Variants in PIGG observed in about 807,000 individuals in gnomAD.
PIGG encodes GPI ethanolamine phosphate transferase 2, catalytic subunit.
A neutral mutation model predicts 83.2 loss-of-function variants in PIGG; 70 were observed. The observed-to-expected ratio is 0.84, with a 90% confidence interval of 0.69 to 1.03. PIGG has a LOEUF of 1.03. Among genes scored for constraint, PIGG ranks in the 50% least tolerant of loss-of-function variants. The pLI is 0.00. For missense variants in PIGG, 1,257 were observed against 1,233.6 expected (o/e 1.02, Z -0.28); for synonymous variants, 532 against 519.5 (o/e 1.02, Z -0.33).
At chr4:510,651 CTTCAGTCCTG>C (rs1553882924) in intron 5 of PIGG, among the ~76,000 whole-genome samples, 1 of 152,226 alleles carries the variant, frequency 6.6e-6, no homozygotes, top group East Asian at 1.9e-4. Flanking sequence ...TCATCACCAG[CTTCAGTCCTG>C]AGAGTTGGTT....
intron 5 of PIGG, among the ~76,000 whole-genome samples, chr4:514,586 G>A (rs1447287179): frequency 6.6e-6 from 1 of 152,190 alleles, no homozygotes; most frequent in East Asian, 1.9e-4. Context: ...AGCTACCAGT[G>A]CTAGCTCTGA....
At position 523,845 on chromosome 4, in the gene PIGG, G is replaced by A. The variant is rs1726793264; in HGVS notation, c.2001G>A (p.Leu667=). The change falls in exon 9 of 13, where the codon CTG becomes CTA. Residue 667 remains leucine (L), a synonymous_variant. Coordinates refer to ENST00000453061, the MANE Select transcript of PIGG (RefSeq NM_001127178.3). ...GGCTAATACTGGCCTGCTGCCGGCT[G>A]CTGCGCTCCCTAAACCAGACAGGTG... The part of the protein sequence containing the change: ...SPWLILACCR[L]LRSLNQTGVQ... 6.2e-7 allele frequency: 1 copy of A among 1,600,234 alleles called. No homozygotes were observed. The highest frequency in any genetic ancestry group is 1.3e-5 in the African/African-American group (1 of 74,630).
In PIGG at chr4:534,085, A is replaced by T; in HGVS notation, c.2735+104A>T. 4 of 949,804 alleles carry T rather than the reference A, an allele frequency of 4.2e-6. No individual in the cohort carries two copies. The Admixed American group carries it at 9.7e-5, about 23-fold the overall frequency. 58.8% of individuals were successfully genotyped at this position (949,804 alleles called of 1,614,324 possible). A position where few individuals can be genotyped will look rare whatever the true frequency, so the allele number is the denominator to read the frequency against. On this transcript the variant is annotated intron_variant, in intron 12 of 12. Transcript: ENST00000453061. ...AAGGGGGTCTAAGCTCCATGGGTCC[A>T]ACAGTCTTTTCAACAGTTTTCTTTT...
chr4:500,319 G>A, intron 1 of PIGG, 77 bp from the exon 2 acceptor site: 1 of 1,033,776 alleles, frequency 9.7e-7, no homozygotes. Context: ...GAAGTAGGTA[G>A]AAGCTAGATT....
intron 2 of PIGG, among the ~76,000 whole-genome samples, chr4:504,310 C>A (rs890343612): frequency 2.2e-4 from 34 of 152,146 alleles, no homozygotes; most frequent in African/African-American, 6.8e-4. Context: ...TTCAGCACCC[C>A]TGATGTGTTT....
Position 499,382 on chromosome 4 carries a change from A to C in PIGG, c.47A>C (p.Glu16Ala), listed in dbSNP as rs781863201. Residue 16 changes from glutamate (E) to alanine (A), a missense_variant, in exon 1 of 13, where the codon GAG (glutamate) becomes GCG (alanine). Coordinates refer to ENST00000453061, the MANE Select transcript of PIGG (RefSeq NM_001127178.3). Reference sequence around the variant, plus strand: ...TTCGCTACCTGTTGCGTAGCGATCGAGGTGCTAGGGATCGCGGTCTTCCTT... The same window carrying C: ...TTCGCTACCTGTTGCGTAGCGATCGCGGTGCTAGGGATCGCGGTCTTCCTT... The part of the protein sequence containing the change: ...GTFATCCVAI[E>A]VLGIAVFLRG... 1.9e-6 allele frequency: 3 copies of C among 1,610,194 alleles called. No individual in the cohort carries two copies. The Admixed American group carries it at 5.0e-5, about 27-fold the overall frequency.
rs558012114 is a variant in PIGG at position 503,893 on chromosome 4, A to T, written c.361-1825A>T. Among the ~76,000 whole-genome samples, 16 of 150,364 alleles carry T rather than the reference A, an allele frequency of 1.1e-4. No homozygotes were observed. The East Asian group carries it at 3.1e-3, about 29-fold the overall frequency. On this transcript the variant is annotated intron_variant, in intron 2 of 12. Transcript: ENST00000453061. ...ACACACACACACACACACAGAAAAG[A>T]GTCCAAAAGGATACTCACCAAGAGT...
At chr4:516,253 T>C (rs531048362) in intron 6 of PIGG, 68 bp downstream of exon 6, 1,027 of 1,021,322 alleles carry the variant, frequency 1.0e-3, no homozygotes, top group Non-Finnish European at 1.4e-3. Flanking sequence ...GTTTCTCCGA[T>C]GTGTTTCTGT....
chr4:522,932 G>A (rs971880300), intron 8 of PIGG: 6 of 154,006 alleles, frequency 3.9e-5, no homozygotes, highest in South Asian at 2.0e-4. Flanking sequence ...AACCATTTTA[G>A]TGGAAACGTT....
chr4:520,196 T>G (rs927226303), intron 6 of PIGG, among the ~76,000 whole-genome samples: 3 of 152,266 alleles, frequency 2.0e-5, no homozygotes, highest in Non-Finnish European at 2.9e-5. Context: ...GCTGAGACCC[T>G]TCTTGGCATG....
At position 523,490 on chromosome 4, in the gene PIGG, A is replaced by G; in HGVS notation, c.1646A>G (p.Glu549Gly). 6.2e-7 allele frequency: 1 copy of G among 1,613,826 alleles called. No individual in the cohort carries two copies. Among genetic ancestry groups the G allele is most frequent in the Non-Finnish European group, 8.5e-7 (1 of 1,179,854 alleles). Reference protein sequence around the residue: ...NPMHPSSRWSELDLLILLGTA... With the variant: ...NPMHPSSRWSGLDLLILLGTA... Reference sequence around the variant, plus strand: ...ATGCATCCCAGCTCAAGGTGGTCAGAGCTAGACCTTCTTATTCTGTTGGGG... The same window carrying G: ...ATGCATCCCAGCTCAAGGTGGTCAGGGCTAGACCTTCTTATTCTGTTGGGG... The change falls in exon 9 of 13, where the codon GAG (glutamate) becomes GGG (glycine). Residue 549 changes from glutamate (E) to glycine (G), a missense_variant. Glu to Gly is a moderately conservative substitution (Grantham distance 98, BLOSUM62 -2). Coordinates refer to ENST00000453061, the MANE Select transcript of PIGG (RefSeq NM_001127178.3).
Position 533,880 on chromosome 4 carries a change from C to A in PIGG, c.2634C>A (p.Tyr878Ter), listed in dbSNP as rs1176830505. The change falls in exon 12 of 13, where the codon TAC (tyrosine) becomes TAA (stop). Residue 878 changes from tyrosine (Y) to a stop codon, truncating the protein, a stop_gained. Transcript: ENST00000453061. LOFTEE classifies it high-confidence loss of function. ...ISAGFVGLDTYVEIPAVLLTA... is the reference protein window; with the variant it reads ...ISAGFVGLDT ...CAGGCTTCGTGGGCTTAGACACCTA[C>A]GTGGAAATCCCAGCCGTGCTCCTGA... The A allele has an allele frequency of 6.2e-7, 1 of 1,614,160 alleles. No homozygotes were observed. Among genetic ancestry groups the A allele is most frequent in the Non-Finnish European group, 8.5e-7 (1 of 1,179,972 alleles).
chr4:528,345 T>C lies in PIGG; in HGVS notation c.2261+1115T>C, dbSNP rs551381477. 1.0e-6 allele frequency: 1 copy of C among 985,280 alleles called. No homozygotes were observed. The highest frequency in any genetic ancestry group is 1.7e-5 in the African/African-American group (1 of 57,354). 61.0% of individuals were successfully genotyped at this position (985,280 alleles called of 1,614,324 possible). On this transcript the variant is annotated intron_variant, in intron 10 of 12. Coordinates refer to ENST00000453061, the MANE Select transcript of PIGG (RefSeq NM_001127178.3). The surrounding 1 kb of genome is among the most constrained non-coding windows in gnomAD (Gnocchi z 4.8). The stretch of plus-strand genomic sequence containing the variant: ...TTTACTTATTTTTGTATCTTAGCGA[T>C]GTCTAGAGTTAATAAGTGTTGCTTT...
chr4:521,853 G>A lies in PIGG; in HGVS notation c.1526G>A (p.Gly509Asp), dbSNP rs766429199. Residue 509 changes from glycine to aspartate, a missense_variant, in exon 8 of 13, where the codon GGT (glycine) becomes GAT (aspartate). By Grantham distance (94) the Gly-to-Asp change is moderately conservative. Transcript: ENST00000453061. ...TGTGGCCTCTCGTGGCTGGCGGCAG[G>A]TGGGGTGATGGTGCTGGCCTCGGCG... The part of the protein sequence containing the change: ...YFCGLSWLAA[G>D]GVMVLASALL... 1.2e-6 allele frequency: 2 copies of A among 1,614,230 alleles called. No homozygotes were observed. The highest frequency in any genetic ancestry group is 2.2e-5 in the South Asian group (2 of 91,086).
At chr4:514,788 A>G (rs866984078) in intron 5 of PIGG, among the ~76,000 whole-genome samples, 4 of 152,080 alleles carry the variant, frequency 2.6e-5, no homozygotes, top group Admixed American at 6.6e-5. Context: ...TCACATAATG[A>G]CTCATTGGCT....
intron 5 of PIGG, 22 bp downstream of exon 5, chr4:508,992 C>T: frequency 1.3e-6 from 2 of 1,594,986 alleles, no homozygotes; most frequent in Non-Finnish European, 1.7e-6. Context: ...GGAATGTTAA[C>T]AGTTGGAAAT....
chr4:516,471 G>C (rs947306448), intron 6 of PIGG, among the ~76,000 whole-genome samples: 1 of 152,216 alleles, frequency 6.6e-6, no homozygotes, highest in Admixed American at 6.5e-5. Context: ...ACTGGAGACA[G>C]AGCAGGTACG....
intron 9 of PIGG, among the ~76,000 whole-genome samples, chr4:524,389 C>T (rs1251571894): frequency 6.6e-6 from 1 of 152,172 alleles, no homozygotes; most frequent in African/African-American, 2.4e-5. Context: ...CTCAGCTCTG[C>T]GGGCTGCACA....
At position 521,055 on chromosome 4, in the gene PIGG, G is replaced by C. The variant is rs368289705; in HGVS notation, c.1115-1G>C. 2 of 1,609,638 alleles carry C rather than the reference G, an allele frequency of 1.2e-6. No individual in the cohort carries two copies. The highest frequency in any genetic ancestry group is 1.7e-6 in the Non-Finnish European group (2 of 1,175,894). ...CTGTAACCTTTCTGTCTTCTTAATAGATCCTGGGTTTGAGCAGTTTAAAAT... is the reference window on the plus strand; with the variant it reads ...CTGTAACCTTTCTGTCTTCTTAATACATCCTGGGTTTGAGCAGTTTAAAAT... On this transcript the variant is annotated splice_acceptor_variant, in intron 6 of 12. Transcript: ENST00000453061. LOFTEE classifies it high-confidence loss of function.
Sources: gnomAD v4.1 joint callset for allele counts (sites outside exome capture counted in the v4.1 genomes callset) on GRCh38, gnomAD v4.1.1 for gene constraint, Gnocchi (gnomAD v3.1) non-coding constraint, MANE v1.5 for transcripts, NCBI Gene and HGNC (gene_info 2026-07-23, HGNC 2026-07-21) for gene names.